The following ZC2HC1A variants were observed in gnomAD, a reference collection of about 807,000 sequenced individuals.
The protein encoded by ZC2HC1A is zinc finger C2HC-type containing 1A, also known as zinc finger C2HC domain-containing protein 1A.
A neutral mutation model predicts 40.7 loss-of-function variants in ZC2HC1A; 28 were observed. The observed-to-expected ratio is 0.69, with a 90% CI of 0.51 to 0.94. The LOEUF is 0.94. Among genes scored for constraint, ZC2HC1A ranks in the 40% least tolerant of loss-of-function variants. The pLI, the probability that ZC2HC1A is intolerant of heterozygous loss-of-function variation, is 0.00. For synonymous variants in ZC2HC1A, 129 were observed against 129.2 expected (o/e 1.00, Z 0.01); for missense variants, 389 against 386.3 (o/e 1.01, Z -0.06).
chr8:78,716,243 C>T (rs1285123569), intron 8 of ZC2HC1A, among the ~76,000 whole-genome samples: 2 of 151,528 alleles, frequency 1.3e-5, no homozygotes, highest in East Asian at 4.0e-4. Flanking sequence ...CTGCCTCAGC[C>T]TCCCGAGTAG....
intron 4 of ZC2HC1A, among the ~76,000 whole-genome samples, chr8:78,688,953 C>CTAAA (rs1256199972): frequency 6.6e-6 from 1 of 151,200 alleles, no homozygotes; most frequent in African/African-American, 2.4e-5. Flanking sequence ...CTCTTTTGTA[C>CTAAA]TAAGGATTTA....
At chr8:78,666,294 C>G (rs1436847007) in intron 1 of ZC2HC1A, 130 bp downstream of exon 1, 1 of 1,460,034 alleles carries the variant, frequency 6.8e-7, no homozygotes, top group Non-Finnish European at 9.3e-7. Context: ...CGCCGCGCCT[C>G]CGGAGGCTGG....
intron 7 of ZC2HC1A, among the ~76,000 whole-genome samples, chr8:78,706,865 A>G (rs1454111679): frequency 6.6e-6 from 1 of 152,200 alleles, no homozygotes; most frequent in African/African-American, 2.4e-5. Context: ...TAATGTAATT[A>G]TCATTATAGA....
rs367820612 is a variant in ZC2HC1A, at chr8:78,718,564, C to G, written c.*1071C>G. 6.6e-6 allele frequency: 1 copy of G among 151,756 alleles called. No individual in the cohort carries two copies. The highest frequency in any genetic ancestry group is 1.9e-4 in the East Asian group (1 of 5,196). The allele number at this position is 151,756 out of a possible 1,614,324, so 9.4% of individuals were successfully genotyped here. Reference sequence around the variant, plus strand: ...TAAGAGAATATCTAATTTTCCTACTCTTTTTTTCATCTTTAGCATTTAATG... The same window carrying G: ...TAAGAGAATATCTAATTTTCCTACTGTTTTTTTCATCTTTAGCATTTAATG... On this transcript the variant is annotated 3_prime_UTR_variant, in exon 9 of 9. Coordinates refer to ENST00000263849, the MANE Select transcript of ZC2HC1A (RefSeq NM_016010.3).
intron 6 of ZC2HC1A, 49 bp downstream of exon 6, chr8:78,697,555 C>T (rs777043052): frequency 2.8e-6 from 4 of 1,420,162 alleles, no homozygotes; most frequent in Non-Finnish European, 2.9e-6. Context: ...ACCATGTTGG[C>T]AGAGCAGGAA....
At chr8:78,680,067 A>C (rs1809718564) in intron 3 of ZC2HC1A, among the ~76,000 whole-genome samples, 1 of 152,076 alleles carries the variant, frequency 6.6e-6, no homozygotes, top group South Asian at 2.1e-4. Flanking sequence ...TATTTAATGT[A>C]ATTATGCTTC....
intron 7 of ZC2HC1A, among the ~76,000 whole-genome samples, chr8:78,714,145 C>T (rs1012206689): frequency 6.6e-6 from 1 of 152,074 alleles, no homozygotes; most frequent in Non-Finnish European, 1.5e-5. Context: ...GATTAAAGCT[C>T]TATAGAGAGG....
Position 78,708,609 on chromosome 8 carries a change from G to A in ZC2HC1A, c.705-6612G>A, listed in dbSNP as rs919080933. ...TTTCTAGGTCAATTTTAACAGATTT[G>A]TTTAAAAAACAACAAAACACACCCA... On this transcript the variant is annotated intron_variant, in intron 7 of 8. Transcript: ENST00000263849. Among the ~76,000 whole-genome samples, 3 of 150,512 alleles carry A rather than the reference G, an allele frequency of 2.0e-5. 1 individual carries two copies. The highest frequency in any genetic ancestry group is 4.4e-5 in the Non-Finnish European group (3 of 67,680).
intron 6 of ZC2HC1A, 43 bp downstream of exon 6, chr8:78,697,549 T>A (rs763422890): frequency 4.1e-6 from 6 of 1,468,808 alleles, no homozygotes; most frequent in Admixed American, 1.8e-5. Flanking sequence ...TTTGAAACCA[T>A]GTTGGCAGAG....
rs181982651 is a variant in ZC2HC1A, at chr8:78,712,647, G to A, written c.705-2574G>A. 1.3e-3 allele frequency among the ~76,000 whole-genome samples: 203 copies of A among 152,240 alleles called. 1 individual carries two copies. The highest frequency in any genetic ancestry group is 1.9e-3 in the Non-Finnish European group (130 of 68,022). On this transcript the variant is annotated intron_variant, in intron 7 of 8. Coordinates refer to ENST00000263849, the MANE Select transcript of ZC2HC1A (RefSeq NM_016010.3). The stretch of plus-strand genomic sequence containing the variant: ...ATGACACTGCCAAAGAGTCAAGCTC[G>A]AGGAAGAGTATGACACAGCCAGTTC...
chr8:78,681,246 T>C (rs1291746549), intron 3 of ZC2HC1A, among the ~76,000 whole-genome samples: 1 of 152,070 alleles, frequency 6.6e-6, no homozygotes, highest in Non-Finnish European at 1.5e-5. Context: ...CAAATAGCTG[T>C]ACCAGGAAAT....
chr8:78,666,444 C>T (rs1294810162), intron 1 of ZC2HC1A, among the ~76,000 whole-genome samples: 1 of 152,238 alleles, frequency 6.6e-6, no homozygotes, highest in Non-Finnish European at 1.5e-5. Flanking sequence ...CTCTTCCTAC[C>T]ATTTTCTGAT....
intron 7 of ZC2HC1A, among the ~76,000 whole-genome samples, chr8:78,709,119 A>G (rs1348804533): frequency 6.6e-6 from 1 of 152,212 alleles, no homozygotes; most frequent in Non-Finnish European, 1.5e-5. Context: ...ATAATTTTCA[A>G]TAGTGAAACT....
At chr8:78,687,737 T>C (rs182923361) in intron 4 of ZC2HC1A, among the ~76,000 whole-genome samples, 47 of 66,014 alleles carry the variant, frequency 7.1e-4, no homozygotes, top group Non-Finnish European at 9.8e-4. Context: ...TATATATATT[T>C]ATGTAATACA....
chr8:78,700,192 T>C (rs1271864040), intron 7 of ZC2HC1A, among the ~76,000 whole-genome samples: 12 of 152,270 alleles, frequency 7.9e-5, no homozygotes, highest in African/African-American at 2.9e-4. Flanking sequence ...CATTGTGGTT[T>C]TGATTTGCGT....
intron 4 of ZC2HC1A, among the ~76,000 whole-genome samples, chr8:78,687,590 TTA>T (rs1480710109): frequency 1.4e-5 from 2 of 140,162 alleles, no homozygotes; most frequent in African/African-American, 5.2e-5. Context: ...ACGTAATAAA[TTA>T]TATATATTTA....
Position 78,697,424 on chromosome 8 carries a change from TA to T in ZC2HC1A, c.527del (p.Lys176SerfsTer26), listed in dbSNP as rs1810460367. 2 of 1,600,168 alleles carry T rather than the reference TA, an allele frequency of 1.2e-6. No homozygotes were observed. The highest frequency in any genetic ancestry group is 2.3e-5 in the South Asian group (2 of 88,274). On this transcript the variant is annotated frameshift_variant, in exon 6 of 9. Coordinates refer to ENST00000263849, the MANE Select transcript of ZC2HC1A (RefSeq NM_016010.3). LOFTEE classifies it high-confidence loss of function. ...TATTTTAGTATAAGCCACCCGCACT[TA>T]AAAAGTCAAATTCTCCTGGAACTGC... is the stretch of plus-strand genomic sequence containing the variant. ...RTQVYKPPAL[K>X]KSNSPGTASS...
At chr8:78,674,126 T>C (rs1199858810) in intron 1 of ZC2HC1A, among the ~76,000 whole-genome samples, 7 of 152,260 alleles carry the variant, frequency 4.6e-5, no homozygotes, top group African/African-American at 1.7e-4. Context: ...ATATAGATTA[T>C]GTTAGCTTTA....
intron 7 of ZC2HC1A, among the ~76,000 whole-genome samples, chr8:78,709,720 A>T (rs1810894744): frequency 1.4e-5 from 2 of 139,490 alleles, no homozygotes; most frequent in Admixed American, 1.4e-4. Context: ...CTGATGAACT[A>T]AAAAAAAAAA....
Sources: allele counts gnomAD v4.1 joint callset (sites outside exome capture counted in the v4.1 genomes callset), GRCh38; gene constraint gnomAD v4.1.1; transcripts MANE v1.5; gene names NCBI Gene and HGNC (gene_info 2026-07-23, HGNC 2026-07-21).